FOXP2: variants seen among roughly 807,000 people sequenced by gnomAD.
FOXP2 encodes forkhead box P2.
FOXP2 carries 12 observed loss-of-function variants against 115.8 expected under a neutral mutation model. The ratio of observed to expected loss-of-function variants is 0.10; its 90% CI spans 0.07 to 0.17. FOXP2 has a LOEUF of 0.17. FOXP2 is among the 10% of genes least tolerant of loss of function. The probability of loss-of-function intolerance (pLI) is 1.00; values close to 1 mark genes in which losing one functional copy is unlikely to be tolerated. For synonymous variants in FOXP2, 328 were observed against 297.7 expected (o/e 1.10, Z -1.05); for missense variants, 629 against 843.5 (o/e 0.75, Z 3.15).
chr7:114,513,680 A>C (rs1798185702), intron 2 of FOXP2, among the ~76,000 whole-genome samples: 1 of 152,176 alleles, frequency 6.6e-6, no homozygotes, highest in African/African-American at 2.4e-5. Flanking sequence ...GTTTGTTTTC[A>C]GTATTTTTCA....
intron 1 of FOXP2, among the ~76,000 whole-genome samples, chr7:114,093,600 T>C (rs1799584639): frequency 6.6e-6 from 1 of 151,974 alleles, no homozygotes; most frequent in Non-Finnish European, 1.5e-5. Flanking sequence ...ATCTATATCA[T>C]TGCATAACTT....
chr7:114,489,202 A>AT (rs1275021804), intron 2 of FOXP2, among the ~76,000 whole-genome samples: 1 of 152,154 alleles, frequency 6.6e-6, no homozygotes, highest in African/African-American at 2.4e-5. Flanking sequence ...ATTAAGATTA[A>AT]TTTTTCATGG....
chr7:114,626,023 T>G (rs1268785369), intron 3 of FOXP2, among the ~76,000 whole-genome samples: 1 of 151,820 alleles, frequency 6.6e-6, no homozygotes, highest in Non-Finnish European at 1.5e-5. Context: ...GATGACAGTT[T>G]CCTAGAAGGT....
At chr7:114,483,800 C>A (rs554294049) in intron 2 of FOXP2, among the ~76,000 whole-genome samples, 3 of 151,666 alleles carry the variant, frequency 2.0e-5, no homozygotes, top group Admixed American at 1.3e-4. Context: ...GATTAATGGA[C>A]AATTAATAAT....
intron 2 of FOXP2, among the ~76,000 whole-genome samples, chr7:114,378,863 A>T (rs546674236): frequency 6.7e-6 from 1 of 149,756 alleles, no homozygotes; most frequent in South Asian, 2.1e-4. Context: ...TTCTTTAGAT[A>T]AGCGTTTCTA....
intron 7 of FOXP2, 134 bp from the exon 8 acceptor site, chr7:114,644,551 A>G: frequency 1.4e-6 from 1 of 723,106 alleles, no homozygotes; most frequent in South Asian, 1.5e-5. Context: ...GAACGATTAA[A>G]TTTTTCTGAC....
chr7:114,246,393 C>A (rs898585115), intron 1 of FOXP2, among the ~76,000 whole-genome samples: 11 of 151,992 alleles, frequency 7.2e-5, no homozygotes, highest in African/African-American at 2.7e-4. Flanking sequence ...AAATTTAAAG[C>A]AGATCTAGAG....
intron 1 of FOXP2, among the ~76,000 whole-genome samples, chr7:114,142,255 C>G (rs1349968160): frequency 6.6e-6 from 1 of 152,162 alleles, no homozygotes; most frequent in Non-Finnish European, 1.5e-5. Flanking sequence ...AACTCCTGAC[C>G]TCGTGATCCA....
chr7:114,274,023 T>G (rs955948381), intron 1 of FOXP2, among the ~76,000 whole-genome samples: 4 of 152,008 alleles, frequency 2.6e-5, no homozygotes, highest in Non-Finnish European at 4.4e-5. Flanking sequence ...TTTTCCTGCC[T>G]TTTGTGATTT....
chr7:114,653,749 T>C (rs1017848514), intron 9 of FOXP2, among the ~76,000 whole-genome samples, 177 bp from the exon 10 acceptor site: 3 of 152,128 alleles, frequency 2.0e-5, no homozygotes, highest in Non-Finnish European at 4.4e-5. Flanking sequence ...GCTATAAAAG[T>C]TTTTCCCCCT....
At chr7:114,385,656 T>C (rs1028275930) in intron 2 of FOXP2, among the ~76,000 whole-genome samples, 1 of 152,210 alleles carries the variant, frequency 6.6e-6, no homozygotes, top group African/African-American at 2.4e-5. Context: ...CTAATCATTT[T>C]TAACTGGCCA....
chr7:114,689,539 G>A (rs945731294), intron 16 of FOXP2, among the ~76,000 whole-genome samples: 1 of 152,082 alleles, frequency 6.6e-6, no homozygotes, highest in African/African-American at 2.4e-5. Flanking sequence ...AGAAACGGAT[G>A]TTTTACCTAA....
chr7:114,627,898 A>T (rs1394498403), intron 3 of FOXP2, among the ~76,000 whole-genome samples: 1 of 151,972 alleles, frequency 6.6e-6, no homozygotes, highest in Non-Finnish European at 1.5e-5. Flanking sequence ...AGACCTATGT[A>T]TGTCATTATT....
At position 114,357,022 on chromosome 7, in the gene FOXP2, A is replaced by G. The variant is rs117823761; in HGVS notation, c.-11+68913A>G. On this transcript the variant is annotated intron_variant, in intron 2 of 17. Transcript: ENST00000634411. ...AATCTAAATGAGAAGCCTTGATCACAGCTTTTAGAATTGCTTGGAAGAGAT... is the reference window on the plus strand; with the variant it reads ...AATCTAAATGAGAAGCCTTGATCACGGCTTTTAGAATTGCTTGGAAGAGAT... Among the ~76,000 whole-genome samples, 627 of 152,296 alleles carry G rather than the reference A, an allele frequency of 4.1e-3. 1 individual carries two copies. Among genetic ancestry groups the G allele is most frequent in the South Asian group, 0.02 (95 of 4,830 alleles).
intron 16 of FOXP2, among the ~76,000 whole-genome samples, chr7:114,682,460 T>A (rs1435542465): frequency 9.2e-5 from 14 of 152,184 alleles, no homozygotes; most frequent in Non-Finnish European, 1.0e-4. Flanking sequence ...AGAGTTTCTT[T>A]AAAGGGATTC....
rs767652094 is a variant in FOXP2, at chr7:114,631,669, G to A, written c.739G>A (p.Gly247Ser). ...TCAGGGACTCATCTCCATTCCACCT[G>A]GCCAGGCAGCACTTCCTGTCCAATC... is the stretch of plus-strand genomic sequence containing the variant. ...QRQGLISIPP[G>S]QAALPVQSLP... The change falls in exon 6 of 17, where the codon GGC becomes AGC. Residue 247 changes from glycine (G) to serine (S), a missense_variant. By Grantham distance (56) the Gly-to-Ser change is moderately conservative. Transcript: ENST00000350908. 8 of 1,613,934 alleles carry A rather than the reference G, an allele frequency of 5.0e-6. No individual in the cohort carries two copies. In the African/African-American group the frequency reaches 9.3e-5, roughly 19 times the overall value.
chr7:114,173,013 T>A (rs1053370692), intron 1 of FOXP2, among the ~76,000 whole-genome samples: 12 of 152,160 alleles, frequency 7.9e-5, no homozygotes, highest in Middle Eastern at 6.8e-3. Flanking sequence ...CATAAACTTG[T>A]CTTTAATATA....
At chr7:114,428,794 C>T (rs578048884) in intron 2 of FOXP2, among the ~76,000 whole-genome samples, 12 of 151,542 alleles carry the variant, frequency 7.9e-5, no homozygotes, top group South Asian at 4.1e-4. Flanking sequence ...TTAATTCTAA[C>T]ATTCGCTATA....
intron 3 of FOXP2, among the ~76,000 whole-genome samples, chr7:114,544,819 A>G (rs969876937): frequency 3.3e-5 from 5 of 152,240 alleles, no homozygotes; most frequent in African/African-American, 9.6e-5. Context: ...GACTAAAATT[A>G]TAGTTTCTCA....
Sources: gnomAD v4.1 joint callset for allele counts (sites outside exome capture counted in the v4.1 genomes callset) on GRCh38, gnomAD v4.1.1 for gene constraint, MANE v1.5 for transcripts, NCBI Gene and HGNC (gene_info 2026-07-23, HGNC 2026-07-21) for gene names.